PDS5B: variants seen among roughly 807,000 people sequenced by gnomAD.
The protein encoded by PDS5B is sister chromatid cohesion protein PDS5 homolog B.
PDS5B carries 51 observed loss-of-function variants against 184.1 expected under a neutral mutation model. That is an observed-to-expected ratio of 0.28 (90% CI 0.22 to 0.35). PDS5B has a LOEUF of 0.35. Among genes scored for constraint, PDS5B ranks in the 10% least tolerant of loss-of-function variants. The pLI is 1.00. For synonymous variants in PDS5B, 566 were observed against 569.2 expected (o/e 0.99, Z 0.08); for missense variants, 1,180 against 1,723.3 (o/e 0.68, Z 5.58).
chr13:32,764,231 C>A (rs1159602735), intron 30 of PDS5B, among the ~76,000 whole-genome samples: 1 of 151,448 alleles, frequency 6.6e-6, no homozygotes, highest in East Asian at 1.9e-4. Flanking sequence ...ATGATCTGAC[C>A]CCAAAATAGA....
chr13:32,657,370 A>C (rs755676349), intron 3 of PDS5B, among the ~76,000 whole-genome samples: 3 of 152,160 alleles, frequency 2.0e-5, no homozygotes, highest in Non-Finnish European at 4.4e-5. Context: ...TTTGTCTGAA[A>C]TTAGAATAGC....
At chr13:32,675,682 T>C (rs567584147) in intron 8 of PDS5B, among the ~76,000 whole-genome samples, 162 bp from the exon 9 acceptor site, 2 of 152,352 alleles carry the variant, frequency 1.3e-5, no homozygotes, top group South Asian at 4.1e-4. Flanking sequence ...ACATTTAATT[T>C]TGTGAAAAGT....
intron 1 of PDS5B, among the ~76,000 whole-genome samples, chr13:32,601,048 A>C (rs966410344): frequency 6.6e-6 from 1 of 152,034 alleles, no homozygotes; most frequent in East Asian, 1.9e-4. Context: ...TTTCTGCTTG[A>C]GCTCTATCTG....
intron 3 of PDS5B, among the ~76,000 whole-genome samples, chr13:32,654,274 A>G (rs568122921): frequency 3.3e-5 from 5 of 152,148 alleles, no homozygotes; most frequent in Non-Finnish European, 7.4e-5. Flanking sequence ...TTGTATACAG[A>G]TTAGAAAATT....
At chr13:32,695,568 T>A (rs1951677595) in intron 14 of PDS5B, among the ~76,000 whole-genome samples, 1 of 152,012 alleles carries the variant, frequency 6.6e-6, no homozygotes, top group Non-Finnish European at 1.5e-5. Flanking sequence ...TTTAAGATGT[T>A]CTTACTTACA....
chr13:32,665,652 ATTTCTT>A (rs1230914972), intron 6 of PDS5B, among the ~76,000 whole-genome samples: 32 of 150,404 alleles, frequency 2.1e-4, no homozygotes, highest in Non-Finnish European at 4.0e-4. Context: ...ATAGGAATGA[ATTTCTT>A]AAGAAAGCTA....
chr13:32,606,134 C>T (rs778788057), intron 1 of PDS5B, among the ~76,000 whole-genome samples: 1 of 152,156 alleles, frequency 6.6e-6, no homozygotes, highest in Non-Finnish European at 1.5e-5. Context: ...TTATTTTGCT[C>T]ATTAGTTGAT....
chr13:32,760,986 G>A (rs990654538), intron 30 of PDS5B, among the ~76,000 whole-genome samples: 1 of 152,122 alleles, frequency 6.6e-6, no homozygotes, highest in Non-Finnish European at 1.5e-5. Flanking sequence ...TCAGTGTGTA[G>A]CAATTGTAAA....
chr13:32,612,828 A>C (rs1593261968), intron 1 of PDS5B, among the ~76,000 whole-genome samples: 1 of 152,190 alleles, frequency 6.6e-6, no homozygotes, highest in East Asian at 1.9e-4. Flanking sequence ...TCAATCTTGG[A>C]CTTTCCAGTC....
At chr13:32,705,127 CT>C (rs909474968) in intron 17 of PDS5B, among the ~76,000 whole-genome samples, 2 of 151,938 alleles carry the variant, frequency 1.3e-5, no homozygotes, top group African/African-American at 2.4e-5. Flanking sequence ...TTGTTGTGGC[CT>C]TTTTTTGTAG....
intron 1 of PDS5B, among the ~76,000 whole-genome samples, chr13:32,645,977 TGTGTGTGG>T (rs894121134): frequency 6.4e-5 from 9 of 140,116 alleles, no homozygotes; most frequent in Non-Finnish European, 9.6e-5. Context: ...CTTTGATGTG[TGTGTGTGG>T]GTGTGTGGGT....
At chr13:32,680,531 A>G (rs1951209996) in intron 10 of PDS5B, among the ~76,000 whole-genome samples, 1 of 152,224 alleles carries the variant, frequency 6.6e-6, no homozygotes, top group African/African-American at 2.4e-5. Flanking sequence ...TTGTCACATA[A>G]TCCCCTTTTG....
Position 32,777,072 on chromosome 13 carries a change from C to CT in PDS5B, c.*2023dup, listed in dbSNP as rs1418324276. 1.3e-5 allele frequency: 2 copies of CT among 151,844 alleles called. No individual in the cohort carries two copies. Among genetic ancestry groups the CT allele is most frequent in the African/African-American group, 4.8e-5 (2 of 41,364 alleles). The allele number at this position is 151,844 out of a possible 1,614,324, so 9.4% of individuals were successfully genotyped here. On this transcript the variant is annotated 3_prime_UTR_variant, in exon 35 of 35. Transcript: ENST00000315596. ...CTATAACATAAAGAATAAGGAATAG[C>CT]TTTGTATTTTTGTCATTGATTAAAT...
rs192484610 is a variant in PDS5B at position 32,697,445 on chromosome 13, C to G, written c.1600+543C>G. 8.7e-4 allele frequency among the ~76,000 whole-genome samples: 133 copies of G among 152,256 alleles called. 2 individuals are homozygous for G. Among genetic ancestry groups the G allele is most frequent in the African/African-American group, 3.2e-3 (132 of 41,548 alleles). On this transcript the variant is annotated intron_variant, in intron 15 of 34. Coordinates refer to ENST00000315596, the MANE Select transcript of PDS5B (RefSeq NM_015032.4). Reference sequence around the variant, plus strand: ...ATAATCAGAAACACCTGGAGGAATACTTCTGCTGAACTTCCACTTGGTGAT... The same window carrying G: ...ATAATCAGAAACACCTGGAGGAATAGTTCTGCTGAACTTCCACTTGGTGAT...
chr13:32,673,770 T>C (rs948047775), intron 8 of PDS5B, among the ~76,000 whole-genome samples: 2 of 152,202 alleles, frequency 1.3e-5, no homozygotes, highest in South Asian at 4.1e-4. Context: ...TTATCTCATG[T>C]TGCCTATGTT....
intron 1 of PDS5B, among the ~76,000 whole-genome samples, chr13:32,622,698 A>G (rs1199905166): frequency 6.6e-6 from 1 of 152,082 alleles, no homozygotes; most frequent in African/African-American, 2.4e-5. Context: ...TTATTTTCAT[A>G]TTGTTTAATA....
chr13:32,607,177 C>T (rs1012481467), intron 1 of PDS5B, among the ~76,000 whole-genome samples: 1 of 152,180 alleles, frequency 6.6e-6, no homozygotes, highest in South Asian at 2.1e-4. Flanking sequence ...TCTGGTTTCT[C>T]CCCATCTTTG....
Position 32,777,610 on chromosome 13 carries a change from A to G in PDS5B, c.*2558A>G, listed in dbSNP as rs1159738411. On this transcript the variant is annotated 3_prime_UTR_variant, in exon 35 of 35. Transcript: ENST00000315596. ...ATTAAGAAAATATTTAACTCCCTGT[A>G]ACAAGTTCCATTATGAAAATCTTAT... The G allele has an allele frequency of 6.6e-6, 1 of 152,316 alleles. No individual in the cohort carries two copies. Among genetic ancestry groups the G allele is most frequent in the Non-Finnish European group, 1.5e-5 (1 of 67,804 alleles). The allele number at this position is 152,316 out of a possible 1,614,324, so 9.4% of individuals were successfully genotyped here. A position where few individuals can be genotyped will look rare whatever the true frequency, so the allele number is the denominator to read the frequency against.
Position 32,675,692 on chromosome 13 carries a change from T to C in PDS5B, c.847-152T>C, listed in dbSNP as rs1951045948. ...TGATGACATTTAATTTTGTGAAAAGTATAGTGAGCATTTTTATGTAATTTT... is the reference window on the plus strand; with the variant it reads ...TGATGACATTTAATTTTGTGAAAAGCATAGTGAGCATTTTTATGTAATTTT... On this transcript the variant is annotated intron_variant, in intron 8 of 34. Coordinates refer to ENST00000315596, the MANE Select transcript of PDS5B (RefSeq NM_015032.4). The C allele has an allele frequency of 7.5e-6, 4 of 529,844 alleles. No homozygotes were observed. The Admixed American group carries it at 9.5e-5, about 13-fold the overall frequency. 32.8% of individuals were successfully genotyped at this position (529,844 alleles called of 1,614,324 possible).
Sources: allele counts gnomAD v4.1 joint callset (sites outside exome capture counted in the v4.1 genomes callset), GRCh38; gene constraint gnomAD v4.1.1; transcripts MANE v1.5; gene names NCBI Gene and HGNC (gene_info 2026-07-23, HGNC 2026-07-21).